RAI1: variants seen among roughly 807,000 people sequenced by gnomAD.
RAI1 encodes the protein retinoic acid-induced protein 1.
A neutral mutation model predicts 123.8 loss-of-function variants in RAI1; 9 were observed. The observed-to-expected ratio is 0.07, with a 90% CI of 0.04 to 0.13. The LOEUF is 0.13. RAI1 is among the 10% of genes least tolerant of loss of function. RAI1 has a pLI of 1.00. For synonymous variants in RAI1, 1,231 were observed against 1,127.3 expected (o/e 1.09, Z -1.84); for missense variants, 2,256 against 2,545.8 (o/e 0.89, Z 2.45).
At chr17:17,716,980 A>G (rs114015357) in intron 1 of RAI1, among the ~76,000 whole-genome samples, 2,696 of 152,328 alleles carry the variant, frequency 0.018, 79 homozygotes, top group African/African-American at 0.061. Context: ...CTTAGGCTGT[A>G]GCAGGCTAAG....
At chr17:17,711,518 T>C (rs1287406235) in intron 1 of RAI1, among the ~76,000 whole-genome samples, 1 of 151,988 alleles carries the variant, frequency 6.6e-6, no homozygotes, top group Non-Finnish European at 1.5e-5. Flanking sequence ...CTGGGGAGGC[T>C]GGGATGGAGC....
At chr17:17,805,872 T>A (rs1478517395) in intron 4 of RAI1, among the ~76,000 whole-genome samples, 1 of 151,950 alleles carries the variant, frequency 6.6e-6, no homozygotes, top group Non-Finnish European at 1.5e-5. Flanking sequence ...CCACAGTGAT[T>A]AACTTAGCGC....
chr17:17,778,995 G>T, intron 2 of RAI1: 1 of 429,086 alleles, frequency 2.3e-6, no homozygotes, highest in Non-Finnish European at 4.7e-6. Flanking sequence ...CACTCTGGGA[G>T]AAAAACAAGA....
intron 2 of RAI1, among the ~76,000 whole-genome samples, chr17:17,791,354 G>A (rs538691684): frequency 6.6e-6 from 1 of 152,136 alleles, no homozygotes; most frequent in Non-Finnish European, 1.5e-5. Context: ...GGTGGGGTCC[G>A]GGCCAAGGAA....
At chr17:17,738,727 C>A (rs2142964324) in intron 2 of RAI1, among the ~76,000 whole-genome samples, 1 of 152,340 alleles carries the variant, frequency 6.6e-6, no homozygotes, top group Admixed American at 6.5e-5. Flanking sequence ...AGCTGCTGTA[C>A]TCACTGGACC....
chr17:17,745,953 C>T lies in RAI1; in HGVS notation c.-17+21794C>T, dbSNP rs915172260. On this transcript the variant is annotated intron_variant, in intron 2 of 5. Transcript: ENST00000353383. The stretch of plus-strand genomic sequence containing the variant: ...GGCATGAGTGGGGAGCCGAGCCATA[C>T]CATGGCCGGGGACAGGGACTGGGTG... Among the ~76,000 whole-genome samples, 2 of 152,186 alleles carry T rather than the reference C, an allele frequency of 1.3e-5. 1 individual carries two copies. Among genetic ancestry groups the T allele is most frequent in the Non-Finnish European group, 2.9e-5 (2 of 68,028 alleles).
At chr17:17,770,471 G>T (rs2031109635) in intron 2 of RAI1, among the ~76,000 whole-genome samples, 1 of 152,294 alleles carries the variant, frequency 6.6e-6, no homozygotes. Flanking sequence ...AAAGGAGGGA[G>T]ATTAAGAAGA....
chr17:17,728,359 C>T (rs554226869), intron 2 of RAI1, among the ~76,000 whole-genome samples: 1 of 152,240 alleles, frequency 6.6e-6, no homozygotes, highest in South Asian at 2.1e-4. Context: ...CCTCTGGTCT[C>T]CAAGGAGATC....
At chr17:17,694,935 G>A (rs1161272851) in intron 1 of RAI1, among the ~76,000 whole-genome samples, 1 of 152,084 alleles carries the variant, frequency 6.6e-6, no homozygotes, top group Non-Finnish European at 1.5e-5. Flanking sequence ...CGGGTTACCG[G>A]GCCAGGCGGC....
rs746753810 is a variant in RAI1, at chr17:17,795,300, C to T, written c.2352C>T (p.Thr784=). The stretch of plus-strand genomic sequence containing the variant: ...CAGATGGCATCAGCAAAGGGGACAC[C>T]CATGAGGCTTCGGCCTGCCTGGGCT... The part of the protein sequence containing the change: ...KASDGISKGD[T]HEASACLGFQ... Residue 784 remains threonine (T), a synonymous_variant, in exon 3 of 6, where the codon ACC becomes ACT. Coordinates refer to ENST00000353383, the MANE Select transcript of RAI1 (RefSeq NM_030665.4). The surrounding 1 kb of genome is among the most constrained non-coding windows in gnomAD (Gnocchi z 5.9). The T allele has an allele frequency of 2.5e-6, 4 of 1,609,894 alleles. No homozygotes were observed. The highest frequency in any genetic ancestry group is 3.4e-6 in the Non-Finnish European group (4 of 1,176,736).
chr17:17,739,083 G>C (rs984191255), intron 2 of RAI1, among the ~76,000 whole-genome samples: 3 of 152,186 alleles, frequency 2.0e-5, no homozygotes, highest in Admixed American at 2.0e-4. Flanking sequence ...TATGACAAGG[G>C]AGACAGAGGC....
Position 17,793,640 on chromosome 17 carries a change from A to G in RAI1, c.692A>G (p.Gln231Arg). The G allele has an allele frequency of 6.2e-7, 1 of 1,613,204 alleles. No individual in the cohort carries two copies. Among genetic ancestry groups the G allele is most frequent in the Admixed American group, 1.7e-5 (1 of 60,008 alleles). Reference protein sequence around the residue: ...TYSSSVQGGGQGAHSYKSCTA... With the variant: ...TYSSSVQGGGRGAHSYKSCTA... Reference sequence around the variant, plus strand: ...TCCTCCTCTGTCCAGGGTGGTGGGCAGGGGGCCCACTCCTATAAGAGTTGC... The same window carrying G: ...TCCTCCTCTGTCCAGGGTGGTGGGCGGGGGGCCCACTCCTATAAGAGTTGC... Residue 231 changes from glutamine (Q) to arginine (R), a missense_variant, in exon 3 of 6, where the codon CAG becomes CGG. Coordinates refer to ENST00000353383, the MANE Select transcript of RAI1 (RefSeq NM_030665.4).
In RAI1 at chr17:17,736,706, A is replaced by G. The variant is rs1485577724; in HGVS notation, c.-17+12547A>G. Among the ~76,000 whole-genome samples, 4 of 152,340 alleles carry G rather than the reference A, an allele frequency of 2.6e-5. No homozygotes were observed. In the East Asian group the frequency reaches 7.7e-4, roughly 29 times the overall value. ...CATTTCTGGAGGAGGGGCATTTCTG[A>G]AGATGAAATGAGAACATTTCTGGAG... is the stretch of plus-strand genomic sequence containing the variant. On this transcript the variant is annotated intron_variant, in intron 2 of 5. Coordinates refer to ENST00000353383, the MANE Select transcript of RAI1 (RefSeq NM_030665.4).
rs1004023992 is a variant in RAI1, at chr17:17,809,229, G to A, written c.5660-161G>A. The A allele has an allele frequency of 4.0e-6, 3 of 750,844 alleles. No individual in the cohort carries two copies. In the African/African-American group the frequency reaches 5.1e-5, roughly 13 times the overall value. 46.5% of individuals were successfully genotyped at this position (750,844 alleles called of 1,614,324 possible). A position where few individuals can be genotyped will look rare whatever the true frequency, so the allele number is the denominator to read the frequency against. On this transcript the variant is annotated intron_variant, in intron 4 of 5. Coordinates refer to ENST00000353383, the MANE Select transcript of RAI1 (RefSeq NM_030665.4). The surrounding 1 kb of genome is among the most constrained non-coding windows in gnomAD (Gnocchi z 4.9). ...CACCCGCGCCGTGGAGTGGAGTGGA[G>A]TGTGGAGGGTTTTGTGCAGAATCTG...
At chr17:17,711,367 A>G (rs929947860) in intron 1 of RAI1, among the ~76,000 whole-genome samples, 1 of 152,172 alleles carries the variant, frequency 6.6e-6, no homozygotes, top group African/African-American at 2.4e-5. Context: ...TTTGGCACTG[A>G]GTGTGACCCA....
intron 2 of RAI1, among the ~76,000 whole-genome samples, chr17:17,770,302 C>T (rs1040983399): frequency 2.6e-5 from 4 of 151,790 alleles, no homozygotes; most frequent in Non-Finnish European, 5.9e-5. Flanking sequence ...TGGCTGGGAG[C>T]TTAATGGCCC....
chr17:17,803,374 T>G (rs1302087809), intron 3 of RAI1, among the ~76,000 whole-genome samples: 1 of 151,196 alleles, frequency 6.6e-6, no homozygotes, highest in Non-Finnish European at 1.5e-5. Flanking sequence ...CTGTACAGGT[T>G]TTTTGTGTTT....
intron 2 of RAI1, among the ~76,000 whole-genome samples, chr17:17,731,657 A>G (rs984170230): frequency 1.3e-5 from 2 of 152,064 alleles, no homozygotes; most frequent in Non-Finnish European, 2.9e-5. Flanking sequence ...CCTCCCTGAG[A>G]ACTCCTGAGT....
chr17:17,753,344 AGGGTTGGAGTGG>A (rs1455721424), intron 2 of RAI1, among the ~76,000 whole-genome samples: 2 of 152,182 alleles, frequency 1.3e-5, no homozygotes, highest in Non-Finnish European at 2.9e-5. Flanking sequence ...CTGGCTTGAC[AGGGTTGGAGTGG>A]GGGTTGGAGT....
Sources: gnomAD v4.1 joint callset for allele counts (sites outside exome capture counted in the v4.1 genomes callset) on GRCh38, gnomAD v4.1.1 for gene constraint, Gnocchi (gnomAD v3.1) non-coding constraint, MANE v1.5 for transcripts, NCBI Gene and HGNC (gene_info 2026-07-23, HGNC 2026-07-21) for gene names.